The following PRKN variants were observed in gnomAD, a reference collection of about 807,000 sequenced individuals.
The protein encoded by PRKN is parkin RBR E3 ubiquitin protein ligase.
In PRKN, 56 loss-of-function variants were observed where a neutral mutation model predicts 59.5. The ratio of observed to expected loss-of-function variants is 0.94; its 90% CI spans 0.76 to 1.18. The LOEUF (loss-of-function observed/expected upper bound fraction) is 1.18. PRKN is among the 50% of genes most tolerant of loss of function. The pLI, the probability that PRKN is intolerant of heterozygous loss-of-function variation, is 0.00. For missense variants in PRKN, 657 were observed against 596.4 expected, an observed-to-expected ratio of 1.10 and a Z score of -1.06; for synonymous variants, 250 against 222.1, an observed-to-expected ratio of 1.13 and a Z score of -1.12.
chr6:161,739,946 G>C (rs910820232), intron 7 of PRKN, among the ~76,000 whole-genome samples: 1 of 151,998 alleles, frequency 6.6e-6, no homozygotes, highest in African/African-American at 2.4e-5. Flanking sequence ...GTAAAGACAG[G>C]GTTTCTCCAT....
At chr6:162,122,582 C>A (rs1328683056) in intron 4 of PRKN, among the ~76,000 whole-genome samples, 1 of 152,088 alleles carries the variant, frequency 6.6e-6, no homozygotes, top group Non-Finnish European at 1.5e-5. Context: ...GCAATGGGAT[C>A]ATGTCTGTTG....
intron 5 of PRKN, among the ~76,000 whole-genome samples, chr6:162,006,977 G>T (rs1782282204): frequency 6.6e-6 from 1 of 151,822 alleles, no homozygotes; most frequent in Non-Finnish European, 1.5e-5. Flanking sequence ...TATATATACA[G>T]TTAAAAAATT....
chr6:162,670,618 C>G (rs1051822547), intron 1 of PRKN, among the ~76,000 whole-genome samples: 8 of 152,140 alleles, frequency 5.3e-5, no homozygotes, highest in Non-Finnish European at 1.2e-4. Flanking sequence ...GTACCTCAGC[C>G]AGAAAGAATG....
intron 1 of PRKN, among the ~76,000 whole-genome samples, chr6:162,482,127 G>A (rs1193082099): frequency 6.6e-6 from 1 of 152,128 alleles, no homozygotes; most frequent in African/African-American, 2.4e-5. Flanking sequence ...GAAAAGTGGT[G>A]TGATAACCTT....
intron 6 of PRKN, among the ~76,000 whole-genome samples, chr6:161,887,551 A>G (rs1245437734): frequency 6.6e-6 from 1 of 152,204 alleles, no homozygotes; most frequent in Non-Finnish European, 1.5e-5. Context: ...GAAACTTTTC[A>G]AGGTCGTCAT....
intron 2 of PRKN, among the ~76,000 whole-genome samples, chr6:162,428,720 C>G (rs1789363055): frequency 1.3e-5 from 2 of 152,212 alleles, no homozygotes; most frequent in Admixed American, 6.5e-5. Flanking sequence ...TGTGTCCCTC[C>G]ATTACAACGT....
At chr6:162,722,096 G>A (rs921467124) in intron 1 of PRKN, among the ~76,000 whole-genome samples, 2 of 152,098 alleles carry the variant, frequency 1.3e-5, no homozygotes, top group Non-Finnish European at 2.9e-5. Context: ...AACTTATTGG[G>A]AAGAAATGGT....
chr6:162,334,758 A>G (rs1283299361), intron 2 of PRKN, among the ~76,000 whole-genome samples: 1 of 152,060 alleles, frequency 6.6e-6, no homozygotes, highest in Non-Finnish European at 1.5e-5. Flanking sequence ...ATCTTTGAAA[A>G]CCTTCTGGAA....
At chr6:162,647,575 A>G (rs1778234421) in intron 1 of PRKN, among the ~76,000 whole-genome samples, 1 of 152,150 alleles carries the variant, frequency 6.6e-6, no homozygotes, top group Non-Finnish European at 1.5e-5. Context: ...CTGAATTATT[A>G]ATAATATATA....
Position 161,486,976 on chromosome 6 carries a change from T to C in PRKN, c.1083+61878A>G, listed in dbSNP as rs79891336. ...GAGCTCATATTAGTAACAATGCACA[T>C]CAGTGTCTGAGTAAGAGTTTAGGGG... On this transcript the variant is annotated intron_variant, in intron 9 of 11. Coordinates refer to ENST00000366898, the MANE Select transcript of PRKN (RefSeq NM_004562.3). Among the ~76,000 whole-genome samples, 1,375 of 152,248 alleles carry C rather than the reference T, an allele frequency of 9.0e-3. 23 individuals are homozygous for C. Among genetic ancestry groups the C allele is most frequent in the African/African-American group, 0.031 (1,284 of 41,526 alleles).
rs1194094216 is a variant in PRKN, at chr6:162,563,558, C to T, written c.8-120085G>A. Among the ~76,000 whole-genome samples, 5 of 152,122 alleles carry T rather than the reference C, an allele frequency of 3.3e-5. No homozygotes were observed. In the East Asian group the frequency reaches 9.7e-4, roughly 29 times the overall value. ...TCTGAGAAAGATGGCTACAAATAAG[C>T]CCAGACAGTGAAGACTAAAATAAGT... On this transcript the variant is annotated intron_variant, in intron 1 of 11. Transcript: ENST00000366898.
rs143831390 is a variant in PRKN, at chr6:161,412,584, C to T, written c.1084-25707G>A. 7.3e-3 allele frequency among the ~76,000 whole-genome samples: 1,091 copies of T among 150,416 alleles called. 9 individuals are homozygous for T. The highest frequency in any genetic ancestry group is 0.011 in the Non-Finnish European group (732 of 67,628). On this transcript the variant is annotated intron_variant, in intron 9 of 11. Coordinates refer to ENST00000366898, the MANE Select transcript of PRKN (RefSeq NM_004562.3). ...TCATTCCTCCGCTCATTCATTCCTC[C>T]GCTCACTCAGTCCTTTCTAACTTAT...
Position 161,659,735 on chromosome 6 carries a change from T to C in PRKN, c.872-90319A>G, listed in dbSNP as rs373742359. On this transcript the variant is annotated intron_variant, in intron 7 of 11. Transcript: ENST00000366898. Reference sequence around the variant, plus strand: ...GACAGGCCTGAGGTCAGATCTCGGCTTGTCGTCACTGGCTGTGTGATCTTG... The same window carrying C: ...GACAGGCCTGAGGTCAGATCTCGGCCTGTCGTCACTGGCTGTGTGATCTTG... Among the ~76,000 whole-genome samples the C allele has an allele frequency of 2.0e-5, 3 of 151,348 alleles. No homozygotes were observed. In the South Asian group the frequency reaches 6.2e-4, roughly 31 times the overall value.
At chr6:162,453,108 G>A (rs9458560) in intron 1 of PRKN, among the ~76,000 whole-genome samples, 60,916 of 151,732 alleles carry the variant, frequency 0.4, 14,406 homozygotes, top group African/African-American at 0.65. Context: ...AGAGGTGCCC[G>A]GTACTGCATC....
At chr6:162,568,649 G>A in intron 1 of PRKN, 4 of 927,734 alleles carry the variant, frequency 4.3e-6, no homozygotes, top group South Asian at 2.6e-5. Flanking sequence ...GGTTCCTGGA[G>A]CAGCAGAACA....
chr6:162,630,077 T>C (rs1471006729), intron 1 of PRKN, among the ~76,000 whole-genome samples: 3 of 152,162 alleles, frequency 2.0e-5, no homozygotes, highest in Admixed American at 2.0e-4. Context: ...AAGTAGGTGC[T>C]AAAGGTGTTT....
At chr6:162,346,584 G>A (rs1784413650) in intron 2 of PRKN, among the ~76,000 whole-genome samples, 1 of 151,898 alleles carries the variant, frequency 6.6e-6, no homozygotes, top group African/African-American at 2.4e-5. Context: ...TTGTGCCACT[G>A]TACTCTAGCC....
At position 161,544,601 on chromosome 6, in the gene PRKN, T is replaced by A. The variant is rs1779732465; in HGVS notation, c.1083+4253A>T. 6.6e-6 allele frequency among the ~76,000 whole-genome samples: 1 copy of A among 152,070 alleles called. No homozygotes were observed. The highest frequency in any genetic ancestry group is 2.1e-4 in the South Asian group (1 of 4,812). ...ATTCACCAAGAAGAATGAAAAGGCT[T>A]AGGACAGGAATATAAAGACAGGAAA... On this transcript the variant is annotated intron_variant, in intron 9 of 11. Coordinates refer to ENST00000366898, the MANE Select transcript of PRKN (RefSeq NM_004562.3). The surrounding 1 kb of genome is among the most constrained non-coding windows in gnomAD (Gnocchi z 5.5).
rs540451094 is a variant in PRKN at position 162,140,384 on chromosome 6, A to G, written c.534+60747T>C. Reference sequence around the variant, plus strand: ...TGTTCAACTTCATTTTATAGCATCTATCTTGGCAATATAAATTGTGTTTGG... The same window carrying G: ...TGTTCAACTTCATTTTATAGCATCTGTCTTGGCAATATAAATTGTGTTTGG... On this transcript the variant is annotated intron_variant, in intron 4 of 11. Transcript: ENST00000366898. Among the ~76,000 whole-genome samples the G allele has an allele frequency of 8.5e-5, 13 of 152,348 alleles. No homozygotes were observed. In the East Asian group the frequency reaches 2.3e-3, roughly 27 times the overall value.
Sources: gnomAD v4.1 joint callset for allele counts (sites outside exome capture counted in the v4.1 genomes callset) on GRCh38, gnomAD v4.1.1 for gene constraint, Gnocchi (gnomAD v3.1) non-coding constraint, MANE v1.5 for transcripts, NCBI Gene and HGNC (gene_info 2026-07-23, HGNC 2026-07-21) for gene names.